Variants in SYT16 observed in about 807,000 individuals in gnomAD.
The protein encoded by SYT16 is synaptotagmin-16.
SYT16 carries 42 observed loss-of-function variants against 61.4 expected under a neutral mutation model. The ratio of observed to expected loss-of-function variants is 0.68; its 90% CI spans 0.53 to 0.89. SYT16 has a LOEUF of 0.89. Among genes scored for constraint, SYT16 ranks in the 40% least tolerant of loss-of-function variants. The pLI is 0.00. For synonymous variants in SYT16, 314 were observed against 302.3 expected, an observed-to-expected ratio of 1.04 and a Z score of -0.40; for missense variants, 804 against 807.3, an observed-to-expected ratio of 1.00 and a Z score of 0.05.
At chr14:61,812,985 GGC>G (rs2045315430) in intron 1 of SYT16, among the ~76,000 whole-genome samples, 175 bp downstream of exon 1, 2 of 152,220 alleles carry the variant, frequency 1.3e-5, no homozygotes, top group South Asian at 4.1e-4. Context: ...TGGCCCTGGC[GGC>G]GCGCCCCGCG....
At chr14:61,951,513 A>G (rs1476795651) in intron 1 of SYT16, among the ~76,000 whole-genome samples, 4 of 152,196 alleles carry the variant, frequency 2.6e-5, no homozygotes, top group African/African-American at 9.6e-5. Context: ...AATCAAAATT[A>G]TATTTCACTC....
rs774339505 is a variant in SYT16 at position 61,995,996 on chromosome 14, A to G, written c.-24A>G. The G allele has an allele frequency of 1.3e-6, 2 of 1,550,924 alleles. No individual in the cohort carries two copies. The highest frequency in any genetic ancestry group is 2.5e-5 in the South Asian group (2 of 78,960). On this transcript the variant is annotated 5_prime_UTR_variant, in exon 3 of 8. Transcript: ENST00000683842. ...CACTGAAGGAACTGAACAACTGGAC[A>G]CTGTAGACATCAGATAGCTGGCCAT...
chr14:62,014,453 C>T (rs1049977868), intron 3 of SYT16, among the ~76,000 whole-genome samples: 4 of 151,728 alleles, frequency 2.6e-5, no homozygotes, highest in Non-Finnish European at 4.4e-5. Flanking sequence ...TATGCATCCT[C>T]TTCTGCTTGG....
intron 3 of SYT16, among the ~76,000 whole-genome samples, chr14:62,001,114 A>C (rs903028070): frequency 6.6e-6 from 1 of 152,072 alleles, no homozygotes; most frequent in Admixed American, 6.6e-5. Flanking sequence ...AAAAAGATAA[A>C]AAGATTATAT....
At chr14:62,013,521 C>T (rs1159640565) in intron 3 of SYT16, among the ~76,000 whole-genome samples, 1 of 152,182 alleles carries the variant, frequency 6.6e-6, no homozygotes, top group Non-Finnish European at 1.5e-5. Flanking sequence ...TCTTCATTCA[C>T]TGTGATTTGG....
chr14:62,084,654 A>G (rs142439817), intron 7 of SYT16, among the ~76,000 whole-genome samples: 2 of 152,340 alleles, frequency 1.3e-5, no homozygotes, highest in East Asian at 1.9e-4. Context: ...TTTCAGCAAC[A>G]TAATGTGTAT....
At chr14:61,889,755 C>A (rs217683) in intron 1 of SYT16, among the ~76,000 whole-genome samples, 137,288 of 152,038 alleles carry the variant, frequency 0.9, 62,102 homozygotes, top group East Asian at 0.98. Flanking sequence ...CTCAATGCAC[C>A]ATCATGAACC....
intron 2 of SYT16, among the ~76,000 whole-genome samples, chr14:61,980,793 TAAAA>T (rs1241848023): frequency 6.6e-6 from 1 of 152,118 alleles, no homozygotes; most frequent in Non-Finnish European, 1.5e-5. Flanking sequence ...GGTAAGGGCT[TAAAA>T]AAAGACTAAT....
chr14:61,994,690 G>A (rs566036979), intron 2 of SYT16, among the ~76,000 whole-genome samples: 1 of 152,272 alleles, frequency 6.6e-6, no homozygotes, highest in South Asian at 2.1e-4. Context: ...TCAGCATAGG[G>A]GGGAAATGTG....
intron 1 of SYT16, among the ~76,000 whole-genome samples, chr14:61,826,421 C>T (rs991552953): frequency 6.6e-6 from 1 of 151,922 alleles, no homozygotes; most frequent in African/African-American, 2.4e-5. Context: ...ATTTGAGAAC[C>T]TGCTGTATTT....
chr14:61,819,187 C>G (rs564977551), intron 1 of SYT16, among the ~76,000 whole-genome samples: 20 of 152,274 alleles, frequency 1.3e-4, no homozygotes, highest in African/African-American at 4.6e-4. Context: ...ACCTTCCCTT[C>G]TCCTGAGTAT....
At chr14:61,828,602 A>G (rs1169110270) in intron 1 of SYT16, among the ~76,000 whole-genome samples, 1 of 152,214 alleles carries the variant, frequency 6.6e-6, no homozygotes, top group African/African-American at 2.4e-5. Context: ...CTTCCACCCC[A>G]ACAAAATAAT....
chr14:61,911,358 G>A (rs1475268449), intron 1 of SYT16, among the ~76,000 whole-genome samples: 1 of 152,124 alleles, frequency 6.6e-6, no homozygotes, highest in Non-Finnish European at 1.5e-5. Context: ...AGTATTTTCT[G>A]TCTAAAGTAA....
chr14:62,034,163 A>G (rs1295980608), intron 3 of SYT16, among the ~76,000 whole-genome samples: 1 of 152,216 alleles, frequency 6.6e-6, no homozygotes, highest in Non-Finnish European at 1.5e-5. Context: ...GCCACCTTGT[A>G]CCCACCAGCA....
chr14:62,038,123 AG>A (rs910391445), intron 3 of SYT16, among the ~76,000 whole-genome samples: 5 of 151,966 alleles, frequency 3.3e-5, no homozygotes, highest in Non-Finnish European at 5.9e-5. Flanking sequence ...GGATGTGGAT[AG>A]GGGTTTCTCC....
chr14:61,936,221 G>A (rs2049975476), intron 1 of SYT16, among the ~76,000 whole-genome samples: 1 of 152,092 alleles, frequency 6.6e-6, no homozygotes, highest in South Asian at 2.1e-4. Flanking sequence ...AGTCAGAGTG[G>A]GGTTATGCGC....
At chr14:62,051,545 C>T (rs1221838930) in intron 3 of SYT16, among the ~76,000 whole-genome samples, 2 of 152,224 alleles carry the variant, frequency 1.3e-5, no homozygotes, top group Non-Finnish European at 2.9e-5. Flanking sequence ...GCAGAAATCA[C>T]CCGTCTTCTG....
chr14:61,906,512 T>A lies in SYT16; in HGVS notation c.-324-63620T>A, dbSNP rs147888242. On this transcript the variant is annotated intron_variant, in intron 1 of 7. Transcript: ENST00000683842. ...TCAGATTCTTTTCTCGCTCTTCGGC[T>A]TTTTTTAGTATAGTTTTCCTTCTCT... is the stretch of plus-strand genomic sequence containing the variant. 7.7e-3 allele frequency among the ~76,000 whole-genome samples: 1,171 copies of A among 152,272 alleles called. 12 individuals carry two copies. The highest frequency in any genetic ancestry group is 0.013 in the Non-Finnish European group (888 of 68,018).
chr14:62,024,349 G>A (rs916554189), intron 3 of SYT16, among the ~76,000 whole-genome samples: 7 of 151,956 alleles, frequency 4.6e-5, no homozygotes, highest in Non-Finnish European at 7.4e-5. Context: ...GGCTGCAGAG[G>A]AGCAAAATTG....
Sources: allele counts gnomAD v4.1 joint callset (sites outside exome capture counted in the v4.1 genomes callset), GRCh38; gene constraint gnomAD v4.1.1; transcripts MANE v1.5; gene names NCBI Gene and HGNC (gene_info 2026-07-23, HGNC 2026-07-21).